RBFOX1: variants seen among roughly 807,000 people sequenced by gnomAD.
The protein encoded by RBFOX1 is RNA binding protein fox-1 homolog 1.
RBFOX1 carries 8 observed loss-of-function variants against 57.7 expected under a neutral mutation model. The observed-to-expected ratio is 0.14, with a 90% confidence interval of 0.08 to 0.25. RBFOX1 has a LOEUF of 0.25. RBFOX1 is among the 10% of genes least tolerant of loss of function. The pLI, the probability that RBFOX1 is intolerant of heterozygous loss-of-function variation, is 1.00. For synonymous variants in RBFOX1, 326 were observed against 222.4 expected, an observed-to-expected ratio of 1.47 and a Z score of -4.15; for missense variants, 611 against 548.5, an observed-to-expected ratio of 1.11 and a Z score of -1.14.
chr16:7,191,414 T>C (rs1384876465), intron 4 of RBFOX1, among the ~76,000 whole-genome samples: 4 of 152,138 alleles, frequency 2.6e-5, no homozygotes. Flanking sequence ...TGGCGCCTCA[T>C]GTTGTACAAT....
At chr16:7,347,175 G>A (rs1180263886) in intron 4 of RBFOX1, among the ~76,000 whole-genome samples, 3 of 152,130 alleles carry the variant, frequency 2.0e-5, no homozygotes, top group Non-Finnish European at 4.4e-5. Flanking sequence ...GTGGATGGGG[G>A]TTGCTGCTAT....
chr16:5,532,419 A>G (rs2044520343), intron 2 of RBFOX1, among the ~76,000 whole-genome samples: 1 of 152,220 alleles, frequency 6.6e-6, no homozygotes, highest in South Asian at 2.1e-4. Flanking sequence ...GAGATGCAGA[A>G]TCTCAGGCCC....
chr16:5,652,120 T>A (rs1418960551), intron 3 of RBFOX1, among the ~76,000 whole-genome samples: 2 of 152,082 alleles, frequency 1.3e-5, no homozygotes, highest in African/African-American at 4.8e-5. Flanking sequence ...GACAACATAG[T>A]GAGACTCCAT....
At chr16:6,203,916 A>C (rs575691432) in intron 1 of RBFOX1, among the ~76,000 whole-genome samples, 16 of 151,926 alleles carry the variant, frequency 1.1e-4, no homozygotes, top group African/African-American at 3.9e-4. Flanking sequence ...CCCTGCATAC[A>C]CAAACACAGA....
intron 3 of RBFOX1, among the ~76,000 whole-genome samples, chr16:6,849,805 C>G (rs1009541748): frequency 3.5e-4 from 54 of 152,200 alleles, no homozygotes; most frequent in African/African-American, 1.2e-3. Flanking sequence ...GATTTCTACC[C>G]ACTGAAAATC....
intron 1 of RBFOX1, among the ~76,000 whole-genome samples, chr16:6,137,957 C>G (rs530061466): frequency 1.3e-5 from 2 of 152,222 alleles, no homozygotes; most frequent in East Asian, 1.9e-4. Context: ...TTATATGCAA[C>G]TAAACTGAGG....
chr16:6,508,067 C>G (rs902188018), intron 2 of RBFOX1, among the ~76,000 whole-genome samples: 1 of 152,148 alleles, frequency 6.6e-6, no homozygotes, highest in East Asian at 1.9e-4. Context: ...TTTGCAGGGA[C>G]ATGAATGGAG....
chr16:5,958,155 C>T (rs910402195), intron 4 of RBFOX1, among the ~76,000 whole-genome samples: 1 of 152,140 alleles, frequency 6.6e-6, no homozygotes, highest in Non-Finnish European at 1.5e-5. Context: ...TGGGGAGATA[C>T]TTTTTTGTGT....
At chr16:6,972,522 G>A (rs78535830) in intron 3 of RBFOX1, among the ~76,000 whole-genome samples, 1 of 152,056 alleles carries the variant, frequency 6.6e-6, no homozygotes, top group Non-Finnish European at 1.5e-5. Context: ...ACTTGTTGGT[G>A]TCTGAATAGT....
rs559832205 is a variant in RBFOX1, at chr16:5,663,910, T to C, written c.318+64949T>C. Among the ~76,000 whole-genome samples, 10 of 152,296 alleles carry C rather than the reference T, an allele frequency of 6.6e-5. No individual in the cohort carries two copies. In the East Asian group the frequency reaches 1.4e-3, roughly 21 times the overall value. ...CTTGATGCTCCTATTTTTGTTCCAG[T>C]TGAAGCAAATGGGGCAGTCGCCTTC... On this transcript the variant is annotated intron_variant, in intron 3 of 19. Coordinates refer to the RBFOX1 transcript ENST00000641259.
rs200056854 is a variant in RBFOX1, at chr16:7,609,623, C to T, written c.676+2285C>T. 1.6e-4 allele frequency among the ~76,000 whole-genome samples: 25 copies of T among 152,194 alleles called. 1 individual carries two copies. The East Asian group carries it at 4.8e-3, about 29-fold the overall frequency. Reference sequence around the variant, plus strand: ...CTATGGGCCAGCACTGTTCTAAGCACTGTACATAAGTTTAATGTATTTAAT... The same window carrying T: ...CTATGGGCCAGCACTGTTCTAAGCATTGTACATAAGTTTAATGTATTTAAT... On this transcript the variant is annotated intron_variant, in intron 10 of 15. Transcript: ENST00000550418.
At chr16:5,819,945 C>T (rs534002487) in intron 3 of RBFOX1, among the ~76,000 whole-genome samples, 61 of 152,288 alleles carry the variant, frequency 4.0e-4, no homozygotes, top group South Asian at 2.9e-3. Flanking sequence ...CCTTTATCGT[C>T]GCATCCCACT....
At chr16:5,296,134 G>T (rs960830207) in intron 1 of RBFOX1, among the ~76,000 whole-genome samples, 1 of 152,164 alleles carries the variant, frequency 6.6e-6, no homozygotes, top group Non-Finnish European at 1.5e-5. Flanking sequence ...TTCAGCCTTG[G>T]AGATCTAATC....
rs191585444 is a variant in RBFOX1 at position 5,587,979 on chromosome 16, T to G, written c.259-10923T>G. Among the ~76,000 whole-genome samples the G allele has an allele frequency of 5.6e-3, 852 of 152,118 alleles. 13 individuals are homozygous for G. Among genetic ancestry groups the G allele is most frequent in the Non-Finnish European group, 4.1e-3 (279 of 68,000 alleles). ...ACCTAAATGTCCATCAGCAGATTCG[T>G]GGAAAAACAAAGGTGGTCTCTCTAT... On this transcript the variant is annotated intron_variant, in intron 2 of 2. Coordinates refer to the RBFOX1 transcript ENST00000585867.
At position 5,946,186 on chromosome 16, in the gene RBFOX1, C is replaced by T. The variant is rs1323967670; in HGVS notation, c.351+78851C>T. On this transcript the variant is annotated intron_variant, in intron 4 of 19. Transcript: ENST00000641259. The surrounding 1 kb of genome is among the most constrained non-coding windows in gnomAD (Gnocchi z 4.6). ...GATGTGATGGAAAGTGCACAGACGG[C>T]CCGAGGTGGGGGCCAGGCTCTGCCA... Among the ~76,000 whole-genome samples, 1 of 152,170 alleles carries T rather than the reference C, an allele frequency of 6.6e-6. No individual in the cohort carries two copies. The highest frequency in any genetic ancestry group is 1.9e-4 in the East Asian group (1 of 5,202).
At chr16:7,195,100 G>C (rs574534066) in intron 4 of RBFOX1, among the ~76,000 whole-genome samples, 1 of 152,192 alleles carries the variant, frequency 6.6e-6, no homozygotes, top group Admixed American at 6.5e-5. Flanking sequence ...GAGCTCTTCA[G>C]TCTATCAACA....
chr16:6,969,216 T>C (rs1266607754), intron 3 of RBFOX1, among the ~76,000 whole-genome samples: 1 of 152,116 alleles, frequency 6.6e-6, no homozygotes, highest in East Asian at 1.9e-4. Flanking sequence ...CCTTCACCTG[T>C]TATGTGAGAA....
intron 5 of RBFOX1, among the ~76,000 whole-genome samples, chr16:7,573,615 C>T (rs1429279012): frequency 6.6e-6 from 1 of 152,052 alleles, no homozygotes; most frequent in East Asian, 1.9e-4. Flanking sequence ...AGGCCGATCA[C>T]TTGAGGTTAG....
chr16:7,455,314 G>T (rs9302850), intron 4 of RBFOX1, among the ~76,000 whole-genome samples: 1 of 152,138 alleles, frequency 6.6e-6, no homozygotes, highest in African/African-American at 2.4e-5. Flanking sequence ...TCACGTTTCA[G>T]CAGCCTCATT....
Sources: allele counts gnomAD v4.1 joint callset (sites outside exome capture counted in the v4.1 genomes callset), GRCh38; gene constraint gnomAD v4.1.1; non-coding constraint Gnocchi (gnomAD v3.1); transcripts MANE v1.5; gene names NCBI Gene and HGNC (gene_info 2026-07-23, HGNC 2026-07-21).